The following NUP35 variants were observed in gnomAD, a reference collection of about 807,000 sequenced individuals.
NUP35 encodes the protein nucleoporin NUP35.
In NUP35, 25 loss-of-function variants were observed where a neutral mutation model predicts 41.5. The observed-to-expected ratio is 0.60, with a 90% CI of 0.44 to 0.84. The LOEUF is 0.84. Among genes scored for constraint, NUP35 ranks in the 40% least tolerant of loss-of-function variants. NUP35 has a pLI of 0.00. For missense variants in NUP35, 396 were observed against 396.6 expected (o/e 1.00, Z 0.01); for synonymous variants, 149 against 130.7 (o/e 1.14, Z -0.96).
At chr2:183,122,164 C>T (rs1212470470), upstream of NUP35, among the ~76,000 whole-genome samples, 22 of 151,980 alleles carry the variant, frequency 1.4e-4, no homozygotes, top group African/African-American at 4.8e-4. Flanking sequence ...GCAACCTCCA[C>T]CTCCTGGGTT....
chr2:183,159,766 T>A, intron 8 of NUP35, 114 bp downstream of exon 8: 1 of 771,988 alleles, frequency 1.3e-6, no homozygotes, highest in Non-Finnish European at 2.0e-6. Flanking sequence ...TGGAGGCTAT[T>A]ACCTTGATGA....
chr2:183,123,232 C>A (rs1700094620), upstream of NUP35, among the ~76,000 whole-genome samples: 1 of 152,184 alleles, frequency 6.6e-6, no homozygotes, highest in Admixed American at 6.5e-5. Context: ...TTTTTGGCCT[C>A]CAGAACTGTA....
chr2:183,135,803 G>T (rs1444962466), intron 4 of NUP35, among the ~76,000 whole-genome samples: 1 of 152,024 alleles, frequency 6.6e-6, no homozygotes, highest in Non-Finnish European at 1.5e-5. Flanking sequence ...ATTCGAGGTT[G>T]CAAGGGAGCT....
chr2:183,138,194 A>G (rs1684948589), intron 4 of NUP35, among the ~76,000 whole-genome samples: 1 of 150,138 alleles, frequency 6.7e-6, no homozygotes, highest in African/African-American at 2.4e-5. Context: ...GAAATAGAAA[A>G]AGAGAATTGA....
chr2:183,147,895 A>T (rs1392144262), intron 4 of NUP35, among the ~76,000 whole-genome samples: 1 of 149,946 alleles, frequency 6.7e-6, no homozygotes, highest in African/African-American at 2.5e-5. Flanking sequence ...CCTGGGTTAG[A>T]TGTATTCCTA....
At chr2:183,142,562 A>G (rs1453346901) in intron 4 of NUP35, among the ~76,000 whole-genome samples, 1 of 151,552 alleles carries the variant, frequency 6.6e-6, no homozygotes, top group South Asian at 2.1e-4. Flanking sequence ...GCTCACTGCA[A>G]CCTGCCTCCC....
upstream of NUP35, among the ~76,000 whole-genome samples, chr2:183,120,871 G>A (rs2705715): frequency 6.6e-6 from 1 of 152,222 alleles, no homozygotes; most frequent in African/African-American, 2.4e-5. Flanking sequence ...GGTAGGTTGT[G>A]CAGCAAGCAT....
intron 5 of NUP35, among the ~76,000 whole-genome samples, chr2:183,154,747 A>G (rs1383773802): frequency 6.6e-6 from 1 of 152,088 alleles, no homozygotes; most frequent in Non-Finnish European, 1.5e-5. Context: ...GCCAGTTCCA[A>G]TGTCACTTCC....
At chr2:183,122,924 T>C (rs1001959485), upstream of NUP35, among the ~76,000 whole-genome samples, 9 of 152,230 alleles carry the variant, frequency 5.9e-5, no homozygotes, top group Admixed American at 4.6e-4. Flanking sequence ...GAAGATGTGA[T>C]TATTAACTTA....
At chr2:183,148,751 C>G (rs1466326545) in intron 4 of NUP35, among the ~76,000 whole-genome samples, 1 of 152,112 alleles carries the variant, frequency 6.6e-6, no homozygotes, top group Non-Finnish European at 1.5e-5. Context: ...CTCCACCTCC[C>G]AGGCTCCAGT....
At chr2:183,160,437 G>A (rs1328544534) in intron 8 of NUP35, 1 of 151,970 alleles carries the variant, frequency 6.6e-6, no homozygotes, top group Non-Finnish European at 1.5e-5. Context: ...ACCTAGGCTG[G>A]AGTACAGTGG....
Position 183,133,906 on chromosome 2 carries a change from G to A in NUP35, c.397+283G>A, listed in dbSNP as rs545832262. Among the ~76,000 whole-genome samples the A allele has an allele frequency of 3.3e-5, 5 of 151,940 alleles. No homozygotes were observed. The East Asian group carries it at 9.6e-4, about 29-fold the overall frequency. ...TCAAATCACCCTAAAGGTATGGTGG[G>A]GTGAATATTCAGAATGTCTTTTTAA... On this transcript the variant is annotated intron_variant, in intron 4 of 8. Coordinates refer to ENST00000295119, the MANE Select transcript of NUP35 (RefSeq NM_138285.5).
At position 183,159,590 on chromosome 2, in the gene NUP35, C is replaced by G. The variant is rs1685794424; in HGVS notation, c.841C>G (p.Pro281Ala). ...TACACCAACACAACCTGGAAGTACT[C>G]CTAGGATTTCTACCATGAGACCTCT... is the stretch of plus-strand genomic sequence containing the variant. ...LGTPTQPGST[P>A]RISTMRPLAT... Residue 281 changes from proline to alanine, a missense_variant, in exon 8 of 9, where the codon CCT becomes GCT. By Grantham distance (27) the Pro-to-Ala change is conservative (BLOSUM62 -1). Coordinates refer to ENST00000295119, the MANE Select transcript of NUP35 (RefSeq NM_138285.5). 1.2e-6 allele frequency: 2 copies of G among 1,613,048 alleles called. No homozygotes were observed. Among genetic ancestry groups the G allele is most frequent in the Middle Eastern group, 1.6e-4 (1 of 6,078 alleles).
chr2:183,146,201 A>C (rs973696526), intron 4 of NUP35, among the ~76,000 whole-genome samples: 2 of 152,108 alleles, frequency 1.3e-5, no homozygotes, highest in South Asian at 4.1e-4. Context: ...GTGCCACTGC[A>C]CTCCAGCCTG....
At chr2:183,152,720 TTTTA>T (rs1361143442) in intron 5 of NUP35, among the ~76,000 whole-genome samples, 1 of 152,208 alleles carries the variant, frequency 6.6e-6, no homozygotes, top group East Asian at 1.9e-4. Flanking sequence ...TTGTATAATG[TTTTA>T]TTTTACAGGT....
intron 4 of NUP35, among the ~76,000 whole-genome samples, chr2:183,136,064 G>T (rs537497523): frequency 2.0e-5 from 3 of 152,270 alleles, no homozygotes; most frequent in South Asian, 2.1e-4. Context: ...CTCATTGGCC[G>T]TGTCTTTAAA....
At chr2:183,122,271 T>C (rs1700079576), upstream of NUP35, among the ~76,000 whole-genome samples, 1 of 151,658 alleles carries the variant, frequency 6.6e-6, no homozygotes, top group African/African-American at 2.4e-5. Context: ...AGAGATGGGG[T>C]TTCACCATGT....
At chr2:183,131,315 T>A (rs1005981233) in intron 3 of NUP35, 2 of 154,030 alleles carry the variant, frequency 1.3e-5, no homozygotes, top group African/African-American at 4.8e-5. Context: ...ATTATTGTGC[T>A]TAGTAGGACA....
At chr2:183,125,992 T>C (rs1486201292) in intron 1 of NUP35, among the ~76,000 whole-genome samples, 1 of 152,274 alleles carries the variant, frequency 6.6e-6, no homozygotes, top group Non-Finnish European at 1.5e-5. Context: ...GTGCCCTCCT[T>C]CCTGTCTGGT....
Sources: allele counts gnomAD v4.1 joint callset (sites outside exome capture counted in the v4.1 genomes callset), GRCh38; gene constraint gnomAD v4.1.1; transcripts MANE v1.5; gene names NCBI Gene and HGNC (gene_info 2026-07-23, HGNC 2026-07-21).